AKR1C2: variants seen among roughly 807,000 people sequenced by gnomAD.
AKR1C2 encodes 3-alpha-HSD3.
In AKR1C2, 27 loss-of-function variants were observed where a neutral mutation model predicts 39.8. That is an observed-to-expected ratio of 0.68 (90% confidence interval 0.50 to 0.93). The LOEUF is 0.93. AKR1C2 is among the 40% of genes least tolerant of loss of function. The pLI is 0.00. For missense variants in AKR1C2, 263 were observed against 365.1 expected, an observed-to-expected ratio of 0.72 and a Z score of 2.28; for synonymous variants, 114 against 137.9, an observed-to-expected ratio of 0.83 and a Z score of 1.22.
At chr10:5,010,997 G>A (rs2131725139) in intron 1 of AKR1C2, among the ~76,000 whole-genome samples, 2 of 148,690 alleles carry the variant, frequency 1.3e-5, no homozygotes, top group Middle Eastern at 7.1e-3. Flanking sequence ...AGAATAGGAA[G>A]AGATGCATAT....
chr10:5,001,611 G>T lies in AKR1C2; in HGVS notation c.155C>A (p.Ala52Glu), dbSNP rs782210078. Reference sequence around the variant, plus strand: ...CTGCTCCTCATTATTGTAAACATGTGCAGAATCAATATGGTGGAACCCGGC... The same window carrying T: ...CTGCTCCTCATTATTGTAAACATGTTCAGAATCAATATGGTGGAACCCGGC... ...IEAGFHHIDS[A>E]HVYNNEEQVG... is the part of the protein sequence containing the mutation. The change falls in exon 2 of 9, where the codon GCA becomes GAA. Residue 52 changes from alanine to glutamate, a missense_variant. Physicochemically the swap from Ala to Glu is moderately radical, Grantham distance 107. Transcript: ENST00000380753. 9.9e-6 allele frequency: 16 copies of T among 1,613,878 alleles called. No homozygotes were observed. The highest frequency in any genetic ancestry group is 1.3e-5 in the Non-Finnish European group (15 of 1,179,906).
At chr10:4,990,495 T>C (rs1455252105) in intron 8 of AKR1C2, among the ~76,000 whole-genome samples, 6 of 152,238 alleles carry the variant, frequency 3.9e-5, no homozygotes, top group African/African-American at 1.4e-4. Context: ...ATTTTATTAC[T>C]TTACATATTA....
chr10:5,005,781 A>G (rs1201031266), upstream of AKR1C2, among the ~76,000 whole-genome samples: 1 of 152,254 alleles, frequency 6.6e-6, no homozygotes, highest in Non-Finnish European at 1.5e-5. Flanking sequence ...AATCACAGGC[A>G]TTAGAATTAG....
At position 4,988,516 on chromosome 10, in the gene AKR1C2, C is replaced by A. The variant is rs1184985199; in HGVS notation, c.*1480G>T. 6.6e-6 allele frequency: 1 copy of A among 152,086 alleles called. No homozygotes were observed. The highest frequency in any genetic ancestry group is 1.5e-5 in the Non-Finnish European group (1 of 68,008). The allele number at this position is 152,086 out of a possible 1,614,324, so 9.4% of individuals were successfully genotyped here. The stretch of plus-strand genomic sequence containing the variant: ...GGAATGAGAGTAGACCAGAAATAAT[C>A]CAAAAAATTGGTCTAGGGCCCTCCA... On this transcript the variant is annotated 3_prime_UTR_variant, in exon 9 of 9. Transcript: ENST00000380753.
chr10:5,002,165 A>G (rs1461522970), intron 1 of AKR1C2, among the ~76,000 whole-genome samples: 1 of 152,172 alleles, frequency 6.6e-6, no homozygotes, highest in Non-Finnish European at 1.5e-5. Flanking sequence ...TCTACAAGAG[A>G]TGCCCTCTAC....
chr10:5,012,387 A>G (rs1297460134), intron 1 of AKR1C2, among the ~76,000 whole-genome samples: 1 of 151,762 alleles, frequency 6.6e-6, no homozygotes, highest in African/African-American at 2.4e-5. Flanking sequence ...TGATTATGTT[A>G]AGGATCCTAA....
intron 1 of AKR1C2, among the ~76,000 whole-genome samples, chr10:5,016,064 C>T (rs1305889221): frequency 6.6e-6 from 1 of 152,172 alleles, no homozygotes; most frequent in Non-Finnish European, 1.5e-5. Flanking sequence ...TCACCTCCCA[C>T]CAGGCCCCTT....
chr10:5,001,479 T>C, intron 2 of AKR1C2, 35 bp downstream of exon 2: 1 of 1,597,766 alleles, frequency 6.3e-7, no homozygotes, highest in Non-Finnish European at 8.5e-7. Context: ...TCACAATAAA[T>C]ACATGTGCAC....
At chr10:4,996,800 T>C (rs1554773151) in intron 5 of AKR1C2, among the ~76,000 whole-genome samples, 1 of 152,020 alleles carries the variant, frequency 6.6e-6, no homozygotes, top group Non-Finnish European at 1.5e-5. Flanking sequence ...TGAGAAATTA[T>C]TTTTAATTAA....
At chr10:5,014,153 A>T (rs1837582263) in intron 1 of AKR1C2, among the ~76,000 whole-genome samples, 1 of 151,802 alleles carries the variant, frequency 6.6e-6, no homozygotes, top group African/African-American at 2.4e-5. Context: ...TAGAATTATT[A>T]TGAATAAGGT....
At chr10:5,005,761 A>G (rs543743542), upstream of AKR1C2, among the ~76,000 whole-genome samples, 6 of 152,348 alleles carry the variant, frequency 3.9e-5, no homozygotes, top group East Asian at 1.2e-3. Flanking sequence ...AGTAGAAATC[A>G]TTCCTGAAGA....
At chr10:5,005,141 G>A (rs1450051029), upstream of AKR1C2, among the ~76,000 whole-genome samples, 2 of 152,088 alleles carry the variant, frequency 1.3e-5, no homozygotes, top group Non-Finnish European at 2.9e-5. Flanking sequence ...GAGAAACTGG[G>A]ATGCAAAATT....
At position 5,003,821 on chromosome 10, in the gene AKR1C2, G is replaced by A. The variant is rs563009289; in HGVS notation, c.15C>T (p.Tyr5=). Residue 5 remains tyrosine, a synonymous_variant, in exon 1 of 9, where the codon TAC becomes TAT. Transcript: ENST00000380753. The part of the protein sequence containing the change: MDSK[Y]QCVKLNDGHF... The stretch of plus-strand genomic sequence containing the variant: ...GACCATCATTCAGCTTCACACACTG[G>A]TATTTCGAATCCATTTCTGTCACTG... 1,124 of 1,610,986 alleles carry A rather than the reference G, an allele frequency of 7.0e-4. 4 individuals are homozygous for A. The highest frequency in any genetic ancestry group is 2.4e-3 in the East Asian group (107 of 44,836).
Position 4,989,352 on chromosome 10 carries a change from G to A in AKR1C2, c.*644C>T, listed in dbSNP as rs1320422200. 1 of 151,926 alleles carries A rather than the reference G, an allele frequency of 6.6e-6. No individual in the cohort carries two copies. Among genetic ancestry groups the A allele is most frequent in the Non-Finnish European group, 1.5e-5 (1 of 67,966 alleles). The allele number at this position is 151,926 out of a possible 1,614,324, so 9.4% of individuals were successfully genotyped here. A position where few individuals can be genotyped will look rare whatever the true frequency, so the allele number is the denominator to read the frequency against. On this transcript the variant is annotated 3_prime_UTR_variant, in exon 9 of 9. Transcript: ENST00000380753. ...AAAGGGTGTTGATATGTTTTTCCAA[G>A]CAGAGATGTACTCGACTCTGTCCTA...
At chr10:4,992,732 C>G (rs1468241926) in intron 7 of AKR1C2, among the ~76,000 whole-genome samples, 1 of 150,994 alleles carries the variant, frequency 6.6e-6, no homozygotes, top group Admixed American at 6.6e-5. Flanking sequence ...AGGAGGATTG[C>G]CTGATTTCAG....
In AKR1C2 at chr10:4,991,022, A is replaced by G. The variant is rs571765454; in HGVS notation, c.929+809T>C. On this transcript the variant is annotated intron_variant, in intron 8 of 8. Transcript: ENST00000380753. The stretch of plus-strand genomic sequence containing the variant: ...ATTACTTGTTAAAATCTCCACTGCC[A>G]TCAGTTACATAACTTCTTTTTCCCT... Among the ~76,000 whole-genome samples the G allele has an allele frequency of 3.2e-4, 49 of 151,394 alleles. 3 individuals carry two copies. The highest frequency in any genetic ancestry group is 1.1e-3 in the African/African-American group (45 of 40,672).
chr10:5,017,222 C>T (rs575341198), intron 1 of AKR1C2, among the ~76,000 whole-genome samples: 4 of 152,228 alleles, frequency 2.6e-5, no homozygotes, highest in Non-Finnish European at 5.9e-5. Context: ...AATTCTTCCT[C>T]AGAAAATAAT....
rs74111928 is a variant in AKR1C2, at chr10:4,988,944, A to T, written c.*1052T>A. On this transcript the variant is annotated 3_prime_UTR_variant, in exon 9 of 9. Transcript: ENST00000380753. ...GTGCTGTTTTACATAGCCTGTTTCC[A>T]AAAGACATTTGAAGTCTTGGAACAT... The T allele has an allele frequency of 3.2e-4, 48 of 152,356 alleles. No individual in the cohort carries two copies. Among genetic ancestry groups the T allele is most frequent in the African/African-American group, 1.1e-3 (45 of 41,588 alleles). The allele number at this position is 152,356 out of a possible 1,614,324, so 9.4% of individuals were successfully genotyped here. A position where few individuals can be genotyped will look rare whatever the true frequency, so the allele number is the denominator to read the frequency against.
chr10:5,006,798 TC>T (rs1373852047), upstream of AKR1C2, among the ~76,000 whole-genome samples: 4 of 148,768 alleles, frequency 2.7e-5, no homozygotes, highest in African/African-American at 9.8e-5. Context: ...TTTTTTTTTT[TC>T]GGAGTTTTGC....
Sources: gnomAD v4.1 joint callset for allele counts (sites outside exome capture counted in the v4.1 genomes callset) on GRCh38, gnomAD v4.1.1 for gene constraint, MANE v1.5 for transcripts, NCBI Gene and HGNC (gene_info 2026-07-23, HGNC 2026-07-21) for gene names.